The following CEP83 variants were observed in gnomAD, a reference collection of about 807,000 sequenced individuals.
CEP83 encodes the protein centrosomal protein 83, also known as centrosomal protein of 83 kDa.
CEP83 carries 70 observed loss-of-function variants against 101.9 expected under a neutral mutation model. That is an observed-to-expected ratio of 0.69 (90% confidence interval 0.57 to 0.84). CEP83 has a LOEUF of 0.84. Ranked by LOEUF, CEP83 falls within the 40% of genes least tolerant of loss-of-function variation. The probability of loss-of-function intolerance (pLI) is 0.00; values close to 1 mark genes in which losing one functional copy is unlikely to be tolerated. For synonymous variants in CEP83, 264 were observed against 267.9 expected, an observed-to-expected ratio of 0.99 and a Z score of 0.14; for missense variants, 715 against 787.2, an observed-to-expected ratio of 0.91 and a Z score of 1.10.
chr12:94,298,899 C>T, the CEP83 span: 25 of 1,127,914 alleles, frequency 2.2e-5, no homozygotes, highest in East Asian at 5.7e-4. Flanking sequence ...ATCTCTATAT[C>T]AGAATCTTTG....
At chr12:94,445,239 C>G (rs1448555135) in intron 1 of CEP83, among the ~76,000 whole-genome samples, 1 of 151,616 alleles carries the variant, frequency 6.6e-6, no homozygotes, top group Non-Finnish European at 1.5e-5. Flanking sequence ...ATAGTCTTTT[C>G]AACAAATGGT....
chr12:94,266,912 G>A, the CEP83 span, among the ~76,000 whole-genome samples: 7 of 152,162 alleles, frequency 4.6e-5, no homozygotes, highest in South Asian at 2.1e-4. Flanking sequence ...GCTTTCCCTC[G>A]GGACTGACTG....
intron 2 of CEP83, chr12:94,433,956 T>A (rs2065820904): frequency 6.6e-6 from 1 of 152,208 alleles, no homozygotes; most frequent in Non-Finnish European, 1.5e-5. Context: ...CAAATGAATC[T>A]TAGTAAACTG....
chr12:94,303,697 T>G, downstream of CEP83: 1 of 995,648 alleles, frequency 1.0e-6, no homozygotes, highest in South Asian at 2.1e-5. Context: ...CTCCATCTTT[T>G]TTTTTTTTTT....
chr12:94,313,769 G>A (rs985521790), intron 14 of CEP83, among the ~76,000 whole-genome samples: 3 of 152,010 alleles, frequency 2.0e-5, no homozygotes, highest in East Asian at 1.9e-4. Context: ...CCTGGGAGGC[G>A]GAGGTTGCAG....
intron 4 of CEP83, among the ~76,000 whole-genome samples, chr12:94,409,514 C>T (rs1489264586): frequency 6.6e-6 from 1 of 152,126 alleles, no homozygotes; most frequent in Non-Finnish European, 1.5e-5. Context: ...AAAAGTTCAC[C>T]AGGTTCTCTA....
the CEP83 span, chr12:94,281,735 T>C: frequency 1.3e-5 from 2 of 153,428 alleles, no homozygotes; most frequent in East Asian, 3.8e-4. Context: ...TGCAATCTTT[T>C]AATCTTTAAA....
chr12:94,350,606 T>A (rs2060154648), intron 11 of CEP83, among the ~76,000 whole-genome samples: 2 of 150,560 alleles, frequency 1.3e-5, no homozygotes, highest in African/African-American at 5.0e-5. Context: ...CATAGGGCAA[T>A]AACAACAACA....
At chr12:94,373,124 A>AT (rs542940292) in intron 8 of CEP83, among the ~76,000 whole-genome samples, 44 of 150,254 alleles carry the variant, frequency 2.9e-4, no homozygotes, top group Middle Eastern at 3.4e-3. Context: ...AAAATTAGGG[A>AT]TTTTTTTTTT....
chr12:94,353,390 T>C (rs966882156), intron 11 of CEP83, among the ~76,000 whole-genome samples: 1 of 152,072 alleles, frequency 6.6e-6, no homozygotes, highest in Non-Finnish European at 1.5e-5. Context: ...ACTAACATCA[T>C]GAAAACATGC....
rs141645637 is a variant in CEP83, at chr12:94,309,241, T to C, written c.2002-324A>G. ...AACAACACTGGTGTTTAACAGCAGTTTATTATAAACAAAGCACTTGGCCTG... is the reference window on the plus strand; with the variant it reads ...AACAACACTGGTGTTTAACAGCAGTCTATTATAAACAAAGCACTTGGCCTG... On this transcript the variant is annotated intron_variant, in intron 16 of 16. Coordinates refer to ENST00000397809, the MANE Select transcript of CEP83 (RefSeq NM_016122.3). Among the ~76,000 whole-genome samples the C allele has an allele frequency of 8.4e-4, 128 of 152,312 alleles. 1 individual carries two copies. In the East Asian group the frequency reaches 0.022, roughly 26 times the overall value.
rs75806653 is a variant in CEP83 at position 94,435,976 on chromosome 12, G to A, written c.-154-649C>T. 9.1e-4 allele frequency among the ~76,000 whole-genome samples: 138 copies of A among 152,080 alleles called. 1 individual carries two copies. Among genetic ancestry groups the A allele is most frequent in the East Asian group, 4.6e-3 (24 of 5,172 alleles). ...CCTGCTGGGTGGCTAGACCCAGAAC[G>A]GTAATAACAATCACCTCAGTCTGGC... On this transcript the variant is annotated intron_variant, in intron 1 of 16. Transcript: ENST00000397809.
At chr12:94,412,039 T>C (rs1205013228) in intron 3 of CEP83, among the ~76,000 whole-genome samples, 192 bp from the exon 4 acceptor site, 3 of 152,204 alleles carry the variant, frequency 2.0e-5, no homozygotes, top group African/African-American at 7.2e-5. Context: ...AATTTTACTT[T>C]GGTGGGAGAT....
intron 8 of CEP83, 68 bp downstream of exon 8, chr12:94,375,818 A>C: frequency 1.2e-6 from 1 of 863,968 alleles, no homozygotes; most frequent in Non-Finnish European, 1.6e-6. Flanking sequence ...CAATTATTAA[A>C]AATAAAATTT....
chr12:94,424,703 A>C, intron 2 of CEP83: 1 of 1,609,890 alleles, frequency 6.2e-7, no homozygotes, highest in East Asian at 2.2e-5. Flanking sequence ...GGTCTTGTCC[A>C]GTACGGCCTT....
At chr12:94,360,998 T>C (rs528242668) in intron 11 of CEP83, among the ~76,000 whole-genome samples, 3 of 152,228 alleles carry the variant, frequency 2.0e-5, no homozygotes, top group East Asian at 1.9e-4. Flanking sequence ...AGAAAATACA[T>C]TGGGGAAAGG....
chr12:94,318,847 C>T (rs1039354890), intron 14 of CEP83, among the ~76,000 whole-genome samples: 1 of 152,130 alleles, frequency 6.6e-6, no homozygotes, highest in Non-Finnish European at 1.5e-5. Context: ...CATCAATATT[C>T]GTCAAAGATA....
chr12:94,297,394 A>G, the CEP83 span: 1 of 1,613,758 alleles, frequency 6.2e-7, no homozygotes, highest in Non-Finnish European at 8.5e-7. Flanking sequence ...AGTAAAAGAA[A>G]TGTATCTGAC....
At chr12:94,286,616 CAAAAA>C in the CEP83 span, among the ~76,000 whole-genome samples, 156 of 101,402 alleles carry the variant, frequency 1.5e-3, no homozygotes, top group Middle Eastern at 6.1e-3. Context: ...TGCTTAAAAG[CAAAAA>C]AAAAAAAAAA....
Sources: allele counts gnomAD v4.1 joint callset (sites outside exome capture counted in the v4.1 genomes callset), GRCh38; gene constraint gnomAD v4.1.1; transcripts MANE v1.5; gene names NCBI Gene and HGNC (gene_info 2026-07-23, HGNC 2026-07-21).